Variants in ATG7 observed in about 807,000 individuals in gnomAD.
The protein encoded by ATG7 is autophagy related 7, also known as ubiquitin-like modifier-activating enzyme ATG7.
A neutral mutation model predicts 82.4 loss-of-function variants in ATG7; 70 were observed. The observed-to-expected ratio is 0.85, with a 90% confidence interval of 0.70 to 1.04. The LOEUF (loss-of-function observed/expected upper bound fraction) is 1.04, where lower values mean the gene tolerates loss of function less well. ATG7 is among the 50% of genes least tolerant of loss of function. The probability of loss-of-function intolerance (pLI) is 0.00; values close to 1 mark genes in which losing one functional copy is unlikely to be tolerated. For missense variants in ATG7, 792 were observed against 864.3 expected, an observed-to-expected ratio of 0.92 and a Z score of 1.05; for synonymous variants, 287 against 313.0, an observed-to-expected ratio of 0.92 and a Z score of 0.88.
At chr3:11,287,336 AC>A (rs1944256437) in intron 3 of ATG7, among the ~76,000 whole-genome samples, 1 of 152,164 alleles carries the variant, frequency 6.6e-6, no homozygotes, top group Non-Finnish European at 1.5e-5. Context: ...TGAGCAGGTC[AC>A]CTCTGAGCTG....
At chr3:11,471,745 C>CTTTCTT (rs1553685523) in intron 20 of ATG7, among the ~76,000 whole-genome samples, 6 of 105,710 alleles carry the variant, frequency 5.7e-5, no homozygotes, top group African/African-American at 7.5e-5. Context: ...TTTTAGATTT[C>CTTTCTT]TTTTTTTTTT....
chr3:11,318,136 T>C (rs1295366018), intron 9 of ATG7, among the ~76,000 whole-genome samples: 1 of 152,216 alleles, frequency 6.6e-6, no homozygotes, highest in African/African-American at 2.4e-5. Flanking sequence ...TCTGAAGTGC[T>C]CTGAGGGATT....
chr3:11,355,691 A>T (rs1387719695), intron 14 of ATG7, among the ~76,000 whole-genome samples: 1 of 152,222 alleles, frequency 6.6e-6, no homozygotes, highest in Non-Finnish European at 1.5e-5. Flanking sequence ...AAAATGGCTA[A>T]GATTAAGAAG....
the ATG7 span, among the ~76,000 whole-genome samples, chr3:11,564,025 G>A: frequency 3.9e-5 from 6 of 152,280 alleles, no homozygotes; most frequent in East Asian, 1.2e-3. Flanking sequence ...CACCCCCTCG[G>A]GGCACGGCAC....
chr3:11,443,621 A>G (rs990956540), intron 20 of ATG7, among the ~76,000 whole-genome samples: 3 of 152,188 alleles, frequency 2.0e-5, no homozygotes, highest in Admixed American at 1.3e-4. Context: ...TCCTGGGCTC[A>G]AATGATCCAC....
intron 19 of ATG7, among the ~76,000 whole-genome samples, chr3:11,424,163 C>T (rs1199825096): frequency 6.6e-6 from 1 of 152,178 alleles, no homozygotes; most frequent in Non-Finnish European, 1.5e-5. Context: ...ATTCCTGCCC[C>T]TGGGGGAGAG....
intron 20 of ATG7, among the ~76,000 whole-genome samples, chr3:11,483,741 A>C (rs1333413874): frequency 6.6e-6 from 1 of 152,206 alleles, no homozygotes; most frequent in Non-Finnish European, 1.5e-5. Flanking sequence ...GAGGACTCAC[A>C]GATGTTATCT....
At chr3:11,539,247 C>T (rs192403284) in intron 20 of ATG7, among the ~76,000 whole-genome samples, 12 of 152,314 alleles carry the variant, frequency 7.9e-5, no homozygotes, top group Admixed American at 3.9e-4. Context: ...AGGGAGACAG[C>T]ATTTTTGTCC....
chr3:11,486,823 T>G (rs1432193032), intron 20 of ATG7, among the ~76,000 whole-genome samples: 8 of 117,324 alleles, frequency 6.8e-5, no homozygotes, highest in East Asian at 2.3e-4. Flanking sequence ...TGGTTCTGTT[T>G]TTTTTTTTTT....
chr3:11,367,608 C>T, intron 18 of ATG7, among the ~76,000 whole-genome samples: 1 of 152,166 alleles, frequency 6.6e-6, no homozygotes, highest in East Asian at 1.9e-4. Flanking sequence ...TCTGGGTCCA[C>T]AGGCAGAATT....
intron 14 of ATG7, among the ~76,000 whole-genome samples, chr3:11,357,630 A>G (rs575808386): frequency 6.6e-6 from 1 of 152,214 alleles, no homozygotes; most frequent in Admixed American, 6.5e-5. Flanking sequence ...TATATTTGCT[A>G]GAACACTCCA....
intron 17 of ATG7, among the ~76,000 whole-genome samples, chr3:11,364,110 C>T (rs1240608858): frequency 2.6e-5 from 4 of 152,200 alleles, no homozygotes; most frequent in African/African-American, 9.6e-5. Flanking sequence ...CTTTTTGGTG[C>T]CACAAGTATC....
At chr3:11,280,052 C>CT (rs564180940) in intron 1 of ATG7, among the ~76,000 whole-genome samples, 10,281 of 141,882 alleles carry the variant, frequency 0.072, 468 homozygotes, top group Non-Finnish European at 0.11. Context: ...CTTTTCTTTT[C>CT]TTTTTTTTTT....
chr3:11,553,499 C>T (rs1353830029), intron 20 of ATG7, among the ~76,000 whole-genome samples: 1 of 152,126 alleles, frequency 6.6e-6, no homozygotes, highest in Non-Finnish European at 1.5e-5. Context: ...CTCCTAAATG[C>T]AACCTTTGTT....
chr3:11,512,487 T>G (rs980020322), intron 20 of ATG7, among the ~76,000 whole-genome samples: 1 of 152,224 alleles, frequency 6.6e-6, no homozygotes, highest in Admixed American at 6.5e-5. Flanking sequence ...AATGAGGTAA[T>G]GTATTAGTAC....
intron 20 of ATG7, among the ~76,000 whole-genome samples, chr3:11,536,694 G>A (rs1313681623): frequency 6.6e-6 from 1 of 152,130 alleles, no homozygotes; most frequent in African/African-American, 2.4e-5. Flanking sequence ...CGAACCTGCT[G>A]CCCCGACCCT....
chr3:11,451,364 A>G (rs1391907174), intron 20 of ATG7, among the ~76,000 whole-genome samples: 1 of 152,136 alleles, frequency 6.6e-6, no homozygotes, highest in Non-Finnish European at 1.5e-5. Context: ...GGCATATGCC[A>G]CCATGCCCAG....
chr3:11,448,000 A>C (rs1298644383), intron 20 of ATG7, among the ~76,000 whole-genome samples: 3 of 152,200 alleles, frequency 2.0e-5, no homozygotes, highest in Non-Finnish European at 4.4e-5. Flanking sequence ...GTCCCTTCCA[A>C]ACAATGCTGC....
rs368161814 is a variant in ATG7 at position 11,298,858 on chromosome 3, A to C, written c.160+3A>C. 7 of 1,613,850 alleles carry C rather than the reference A, an allele frequency of 4.3e-6. No homozygotes were observed. The highest frequency in any genetic ancestry group is 5.9e-6 in the Non-Finnish European group (7 of 1,179,858). On this transcript the variant is annotated splice_donor_region_variant and intron_variant, in intron 4 of 20. Coordinates refer to ENST00000693202, the MANE Select transcript of ATG7 (RefSeq NM_001349232.2). ...CATTAAGGGTTATTACTACAATGGT[A>C]GGTGATTGTAAATTTCATTTTCCAT...
Sources: allele counts gnomAD v4.1 joint callset (sites outside exome capture counted in the v4.1 genomes callset), GRCh38; gene constraint gnomAD v4.1.1; transcripts MANE v1.5; gene names NCBI Gene and HGNC (gene_info 2026-07-23, HGNC 2026-07-21).